The following TRAPPC9 variants were observed in gnomAD, a reference collection of about 807,000 sequenced individuals.
TRAPPC9 encodes the protein trafficking protein particle complex subunit 9.
Under a neutral mutation model 124.0 loss-of-function variants are expected in TRAPPC9, and 83 were observed. The observed-to-expected ratio is 0.67, with a 90% CI of 0.56 to 0.80. The LOEUF is 0.80. Ranked by LOEUF, TRAPPC9 falls within the 30% of genes least tolerant of loss-of-function variation. The pLI, the probability that TRAPPC9 is intolerant of heterozygous loss-of-function variation, is 0.00. For synonymous variants in TRAPPC9, 638 were observed against 617.5 expected, an observed-to-expected ratio of 1.03 and a Z score of -0.49; for missense variants, 1,302 against 1,508.3, an observed-to-expected ratio of 0.86 and a Z score of 2.27.
intron 14 of TRAPPC9, among the ~76,000 whole-genome samples, chr8:140,280,162 GT>G (rs1243198759): frequency 6.6e-6 from 1 of 152,240 alleles, no homozygotes; most frequent in African/African-American, 2.4e-5. Flanking sequence ...ACGGACAGCA[GT>G]GGCAGAATTT....
At chr8:140,402,935 T>A (rs918118389) in intron 6 of TRAPPC9, among the ~76,000 whole-genome samples, 3 of 152,152 alleles carry the variant, frequency 2.0e-5, no homozygotes, top group Non-Finnish European at 4.4e-5. Context: ...TATGTCATAA[T>A]ACACACAAAA....
intron 17 of TRAPPC9, among the ~76,000 whole-genome samples, chr8:140,090,793 G>A (rs1426621474): frequency 6.6e-6 from 1 of 152,258 alleles, no homozygotes; most frequent in Non-Finnish European, 1.5e-5. Flanking sequence ...GAGCAGCCTT[G>A]CCTTGCAGCC....
chr8:140,135,510 A>C (rs1005527232), intron 17 of TRAPPC9, among the ~76,000 whole-genome samples: 12 of 152,248 alleles, frequency 7.9e-5, no homozygotes, highest in African/African-American at 2.9e-4. Flanking sequence ...TAACAACATT[A>C]TACCAGGTGA....
chr8:140,458,274 C>G (rs958958169), upstream of TRAPPC9: 1 of 1,553,054 alleles, frequency 6.4e-7, no homozygotes, highest in South Asian at 1.2e-5. Context: ...CTGTCCCCGC[C>G]GCTTACCAGT....
At chr8:140,419,732 A>C (rs2070131241) in intron 5 of TRAPPC9, among the ~76,000 whole-genome samples, 2 of 151,568 alleles carry the variant, frequency 1.3e-5, no homozygotes, top group East Asian at 2.0e-4. Flanking sequence ...AAAAATACAA[A>C]AAAATTAGCC....
At chr8:140,311,564 T>G (rs1041551894) in intron 9 of TRAPPC9, among the ~76,000 whole-genome samples, 190 bp from the exon 10 acceptor site, 1 of 152,220 alleles carries the variant, frequency 6.6e-6, no homozygotes, top group African/African-American at 2.4e-5. Context: ...TCACCGGCAC[T>G]GCTCCTCTTA....
intron 18 of TRAPPC9, among the ~76,000 whole-genome samples, chr8:139,996,418 G>T (rs372321066): frequency 6.2e-4 from 95 of 152,082 alleles, no homozygotes; most frequent in African/African-American, 2.1e-3. Flanking sequence ...TGGGGGTGGT[G>T]GGGGAACTCT....
At chr8:140,337,004 A>G (rs1259171572) in intron 9 of TRAPPC9, among the ~76,000 whole-genome samples, 1 of 152,192 alleles carries the variant, frequency 6.6e-6, no homozygotes, top group Non-Finnish European at 1.5e-5. Flanking sequence ...TGGCTGGTAC[A>G]GTCTTTAGTG....
At chr8:139,909,394 C>A (rs1242980270) in intron 20 of TRAPPC9, among the ~76,000 whole-genome samples, 2 of 152,228 alleles carry the variant, frequency 1.3e-5, no homozygotes, top group Admixed American at 1.3e-4. Context: ...GAACCTGCAG[C>A]ACTCGGCAGG....
Position 139,804,261 on chromosome 8 carries a change from AC to A in TRAPPC9, c.3056-72060del, listed in dbSNP as rs201636081. Among the ~76,000 whole-genome samples, 701 of 114,256 alleles carry A rather than the reference AC, an allele frequency of 6.1e-3. 14 individuals carry two copies. The highest frequency in any genetic ancestry group is 0.023 in the African/African-American group (648 of 28,454). The allele number at this position is 114,256 out of a possible 152,430, so 75.0% of individuals were successfully genotyped here. On this transcript the variant is annotated intron_variant, in intron 21 of 22. Coordinates refer to ENST00000438773, the MANE Select transcript of TRAPPC9 (RefSeq NM_001160372.4). ...CCCACCACCACCACCAAACACCACCACCACACACACAACCACCACCACCCAC... is the reference window on the plus strand; with the variant it reads ...CCCACCACCACCACCAAACACCACCACACACACACAACCACCACCACCCAC...
At chr8:140,315,950 A>G (rs1588141384) in intron 9 of TRAPPC9, among the ~76,000 whole-genome samples, 1 of 152,184 alleles carries the variant, frequency 6.6e-6, no homozygotes, top group Non-Finnish European at 1.5e-5. Flanking sequence ...GTTATGTTAA[A>G]TTATTGTGTG....
intron 2 of TRAPPC9, among the ~76,000 whole-genome samples, chr8:140,443,615 G>A (rs1056557539): frequency 6.7e-6 from 1 of 150,006 alleles, no homozygotes; most frequent in Non-Finnish European, 1.5e-5. Context: ...TAAGATGCCA[G>A]AGCAGCTGGG....
Position 140,087,784 on chromosome 8 carries a change from CA to C in TRAPPC9, c.2557-63706del, listed in dbSNP as rs1348190228. Among the ~76,000 whole-genome samples the C allele has an allele frequency of 2.6e-4, 39 of 152,276 alleles. 1 individual carries two copies. The highest frequency in any genetic ancestry group is 1.4e-3 in the Admixed American group (22 of 15,292). On this transcript the variant is annotated intron_variant, in intron 17 of 22. Coordinates refer to ENST00000438773, the MANE Select transcript of TRAPPC9 (RefSeq NM_001160372.4). The surrounding 1 kb of genome is among the most constrained non-coding windows in gnomAD (Gnocchi z 4.6). ...GCAATCCATCTCCAACCAGCAGTCA[CA>C]GTGACCATTCTCATGCATGACGAGC...
chr8:139,802,044 G>C (rs1341576500), intron 21 of TRAPPC9, among the ~76,000 whole-genome samples: 1 of 152,158 alleles, frequency 6.6e-6, no homozygotes. Flanking sequence ...GAATTGGCTG[G>C]AGCTTGATTT....
chr8:140,452,521 C>T (rs62527789), intron 1 of TRAPPC9, among the ~76,000 whole-genome samples: 13,026 of 151,848 alleles, frequency 0.086, 609 homozygotes, highest in African/African-American at 0.11. Context: ...TAGCATTGTG[C>T]CTAACATAAA....
At chr8:140,429,873 G>A (rs1346316663) in intron 4 of TRAPPC9, among the ~76,000 whole-genome samples, 1 of 151,534 alleles carries the variant, frequency 6.6e-6, no homozygotes, top group Non-Finnish European at 1.5e-5. Context: ...TCAGCCAGGT[G>A]TGGTGGCTCA....
chr8:140,049,555 G>C (rs187641753), intron 17 of TRAPPC9, among the ~76,000 whole-genome samples: 1 of 146,362 alleles, frequency 6.8e-6, no homozygotes, highest in South Asian at 2.1e-4. Context: ...TCCCCCCCCC[G>C]AGACCACCAA....
intron 17 of TRAPPC9, among the ~76,000 whole-genome samples, chr8:140,113,702 G>A (rs1324416778): frequency 6.6e-6 from 1 of 152,158 alleles, no homozygotes; most frequent in African/African-American, 2.4e-5. Flanking sequence ...AAAGAGGCAG[G>A]TTCCTCAAGT....
At chr8:140,452,399 G>A (rs182014106) in intron 1 of TRAPPC9, among the ~76,000 whole-genome samples, 4 of 130,282 alleles carry the variant, frequency 3.1e-5, no homozygotes, top group South Asian at 2.4e-4. Flanking sequence ...CAGCCTGGGC[G>A]ACAGAGCCAG....
Sources: gnomAD v4.1 joint callset for allele counts (sites outside exome capture counted in the v4.1 genomes callset) on GRCh38, gnomAD v4.1.1 for gene constraint, Gnocchi (gnomAD v3.1) non-coding constraint, MANE v1.5 for transcripts, NCBI Gene and HGNC (gene_info 2026-07-23, HGNC 2026-07-21) for gene names.